The following MBD4 variants were observed in gnomAD, a reference collection of about 807,000 sequenced individuals.
MBD4 encodes methyl-CpG binding domain 4, DNA glycosylase, also known as methyl-CpG-binding domain protein 4.
A neutral mutation model predicts 60.2 loss-of-function variants in MBD4; 53 were observed. That is an observed-to-expected ratio of 0.88 (90% CI 0.71 to 1.11). The LOEUF (loss-of-function observed/expected upper bound fraction) is 1.11, where lower values mean the gene tolerates loss of function less well. Ranked by LOEUF, MBD4 falls within the 50% of genes least tolerant of loss-of-function variation. The probability of loss-of-function intolerance (pLI) is 0.00; values close to 1 mark genes in which losing one functional copy is unlikely to be tolerated. For missense variants in MBD4, 619 were observed against 674.0 expected (o/e 0.92, Z 0.90); for synonymous variants, 231 against 229.8 (o/e 1.01, Z -0.05).
intron 5 of MBD4, 164 bp from the exon 6 acceptor site, chr3:129,433,411 T>G: frequency 1.3e-6 from 1 of 748,588 alleles, no homozygotes; most frequent in African/African-American, 1.8e-5. Context: ...GCAACCACTT[T>G]CAGAATCAAA....
At chr3:129,437,592 T>G in intron 2 of MBD4, 128 bp downstream of exon 2, 1 of 727,160 alleles carries the variant, frequency 1.4e-6, no homozygotes, top group South Asian at 1.7e-5. Context: ...AATAGCAACA[T>G]TGAAAGAATA....
In MBD4 at chr3:129,437,198, C is replaced by CT. The variant is rs1214608172; in HGVS notation, c.445dup (p.Arg149LysfsTer8). On this transcript the variant is annotated frameshift_variant, in exon 3 of 8. Coordinates refer to ENST00000429544, the MANE Select transcript of MBD4 (RefSeq NM_001276270.2). LOFTEE classifies it high-confidence loss of function. ...GTCTTTATATCTTGACTTGATACCC[C>CT]TTTTAGAAAGTACAGTAAAATCAAA... is the stretch of plus-strand genomic sequence containing the variant. 6.2e-7 allele frequency: 1 copy of CT among 1,613,850 alleles called. No homozygotes were observed.
intron 7 of MBD4, chr3:129,432,109 A>G (rs2072356203): frequency 8.7e-7 from 1 of 1,153,144 alleles, no homozygotes; most frequent in Non-Finnish European, 1.1e-6. Context: ...GTCACCACAA[A>G]CGTAGTCTGA....
intron 5 of MBD4, 176 bp from the exon 6 acceptor site, chr3:129,433,423 G>T: frequency 2.9e-6 from 2 of 685,668 alleles, no homozygotes; most frequent in Non-Finnish European, 4.9e-6. Context: ...AGAATCAAAT[G>T]CCAAAACTGC....
intron 3 of MBD4, among the ~76,000 whole-genome samples, chr3:129,435,887 T>C (rs1446202675): frequency 2.0e-5 from 3 of 152,226 alleles, no homozygotes; most frequent in African/African-American, 7.2e-5. Context: ...GATTATACTT[T>C]TGAATTATTT....
intron 3 of MBD4, among the ~76,000 whole-genome samples, chr3:129,434,526 C>T (rs1419068995): frequency 6.6e-6 from 1 of 152,054 alleles, no homozygotes; most frequent in Non-Finnish European, 1.5e-5. Flanking sequence ...TTTTAAATTA[C>T]GATGCATTTG....
chr3:129,438,772 C>CAA (rs149611043), intron 1 of MBD4, among the ~76,000 whole-genome samples: 1 of 148,682 alleles, frequency 6.7e-6, no homozygotes, highest in Non-Finnish European at 1.5e-5. Flanking sequence ...CCCAAAAAAA[C>CAA]AAAAAAAAAC....
chr3:129,437,693 AC>A, intron 2 of MBD4, 26 bp downstream of exon 2: 1 of 1,502,336 alleles, frequency 6.7e-7, no homozygotes, highest in Non-Finnish European at 9.3e-7. Flanking sequence ...ATTTGGCTGT[AC>A]TATCTTTACC....
chr3:129,437,188 C>T lies in MBD4; in HGVS notation c.456G>A (p.Lys152=), dbSNP rs944624010. 5 of 1,613,958 alleles carry T rather than the reference C, an allele frequency of 3.1e-6. 1 individual carries two copies. The East Asian group carries it at 6.7e-5, about 22-fold the overall frequency. The part of the protein sequence containing the change: ...DFTVLSKRGI[K]SRYKDCSMAA... ...CCATGCTGCAGTCTTTATATCTTGA[C>T]TTGATACCCCTTTTAGAAAGTACAG... The change falls in exon 3 of 8, where the codon AAG becomes AAA. Residue 152 remains lysine, a synonymous_variant. Coordinates refer to ENST00000429544, the MANE Select transcript of MBD4 (RefSeq NM_001276270.2).
chr3:129,433,020 A>T, intron 6 of MBD4, 78 bp downstream of exon 6: 1 of 1,560,898 alleles, frequency 6.4e-7, no homozygotes, highest in African/African-American at 1.4e-5. Flanking sequence ...AGTATCTGAG[A>T]ACATTAAAGT....
Position 129,433,901 on chromosome 3 carries a change from GAA to G in MBD4, c.1340_1341del (p.Phe447SerfsTer2). On this transcript the variant is annotated frameshift_variant, in exon 5 of 8. Transcript: ENST00000429544. LOFTEE classifies it high-confidence loss of function. ...SPFNLVQETL[F>X]HDPWKLLIAT... ...GCGATGAGAAGCTTCCATGGATCAT[GAA>G]AAAGTGTTTCTTGAACGAGATTAAA... 6.2e-7 allele frequency: 1 copy of G among 1,614,156 alleles called. No homozygotes were observed. Among genetic ancestry groups the G allele is most frequent in the Non-Finnish European group, 8.5e-7 (1 of 1,179,994 alleles).
chr3:129,436,458 C>T lies in MBD4; in HGVS notation c.1183+3G>A. ...CACTGGATACCTTGAAATATTTTCTCACCAGTGAAGTCTTTCCTGGTTGGT... is the reference window on the plus strand; with the variant it reads ...CACTGGATACCTTGAAATATTTTCTTACCAGTGAAGTCTTTCCTGGTTGGT... On this transcript the variant is annotated splice_donor_region_variant and intron_variant, in intron 3 of 7. Coordinates refer to ENST00000429544, the MANE Select transcript of MBD4 (RefSeq NM_001276270.2). The T allele has an allele frequency of 6.2e-7, 1 of 1,613,930 alleles. No individual in the cohort carries two copies. Among genetic ancestry groups the T allele is most frequent in the Non-Finnish European group, 8.5e-7 (1 of 1,179,960 alleles).
intron 3 of MBD4, among the ~76,000 whole-genome samples, chr3:129,435,513 C>G (rs1260694029): frequency 6.6e-6 from 1 of 152,188 alleles, no homozygotes; most frequent in Non-Finnish European, 1.5e-5. Flanking sequence ...AGCTCAGTGT[C>G]TAGGACACAG....
chr3:129,433,303 T>TTCA, intron 5 of MBD4, 56 bp from the exon 6 acceptor site: 1 of 1,575,154 alleles, frequency 6.3e-7, no homozygotes, highest in East Asian at 2.2e-5. Flanking sequence ...TGATTTCATG[T>TTCA]TCAAGTAGTT....
chr3:129,432,536 A>G lies in MBD4; in HGVS notation c.1614T>C (p.Ser538=), dbSNP rs959552533. 6.2e-7 allele frequency: 1 copy of G among 1,614,232 alleles called. No homozygotes were observed. Among genetic ancestry groups the G allele is most frequent in the Non-Finnish European group, 8.5e-7 (1 of 1,180,040 alleles). The change falls in exon 7 of 8, where the codon TCT becomes TCC. Residue 538 remains serine, a synonymous_variant. Transcript: ENST00000429544. ...LHGIGKYGND[S]YRIFCVNEWK... The stretch of plus-strand genomic sequence containing the variant: ...ACTCATTGACACAAAAAATTCGGTA[A>G]GAGTCGTTGCCATATTTACCAATCC...
intron 3 of MBD4, 31 bp downstream of exon 3, chr3:129,436,430 A>C: frequency 6.2e-7 from 1 of 1,612,910 alleles, no homozygotes; most frequent in Admixed American, 1.7e-5. Context: ...TAGTGCTTGA[A>C]AGCACTGGAT....
intron 5 of MBD4, 78 bp from the exon 6 acceptor site, chr3:129,433,325 T>C (rs1414200735): frequency 6.6e-7 from 1 of 1,508,160 alleles, no homozygotes; most frequent in Non-Finnish European, 9.2e-7. Flanking sequence ...CTCATAGAAA[T>C]CTCATCCAGA....
intron 3 of MBD4, 65 bp from the exon 4 acceptor site, chr3:129,434,201 C>G: frequency 1.6e-6 from 2 of 1,220,886 alleles, no homozygotes; most frequent in African/African-American, 3.0e-5. Context: ...TTGAGGGATG[C>G]AAATAATAAT....
Position 129,436,969 on chromosome 3 carries a change from G to A in MBD4, c.675C>T (p.Phe225=). The change falls in exon 3 of 8, where the codon TTC becomes TTT. Residue 225 remains phenylalanine (F), a synonymous_variant. Transcript: ENST00000429544. The stretch of plus-strand genomic sequence containing the variant: ...TTCCTTTGGGCTTTCTAACCTTTCT[G>A]AAGTTAACATCATCAACACCCTCAT... ...KEDEGVDDVN[F]RKVRKPKGKV... is the part of the protein sequence containing the mutation. 1 of 1,614,068 alleles carries A rather than the reference G, an allele frequency of 6.2e-7. No homozygotes were observed. The highest frequency in any genetic ancestry group is 8.5e-7 in the Non-Finnish European group (1 of 1,180,038).
Sources: gnomAD v4.1 joint callset for allele counts (sites outside exome capture counted in the v4.1 genomes callset) on GRCh38, gnomAD v4.1.1 for gene constraint, MANE v1.5 for transcripts, NCBI Gene and HGNC (gene_info 2026-07-23, HGNC 2026-07-21) for gene names.